The following PPARG variants were observed in gnomAD, a reference collection of about 807,000 sequenced individuals.
PPARG encodes peroxisome proliferator activated receptor gamma.
In PPARG, 17 loss-of-function variants were observed where a neutral mutation model predicts 39.2. The observed-to-expected ratio is 0.43, with a 90% confidence interval of 0.30 to 0.65. The LOEUF is 0.65. PPARG is among the 30% of genes least tolerant of loss of function. The pLI, the probability that PPARG is intolerant of heterozygous loss-of-function variation, is 0.13. For missense variants in PPARG, 406 were observed against 585.9 expected, an observed-to-expected ratio of 0.69 and a Z score of 3.17; for synonymous variants, 223 against 215.7, an observed-to-expected ratio of 1.03 and a Z score of -0.30.
At chr3:12,330,075 A>G (rs764332202) in intron 2 of PPARG, among the ~76,000 whole-genome samples, 4 of 151,952 alleles carry the variant, frequency 2.6e-5, no homozygotes, top group Non-Finnish European at 5.9e-5. Context: ...GCCTTTTGCT[A>G]TTGCAGATAA....
intron 5 of PPARG, among the ~76,000 whole-genome samples, chr3:12,403,142 A>C (rs929992710): frequency 6.6e-6 from 1 of 151,750 alleles, no homozygotes; most frequent in African/African-American, 2.4e-5. Context: ...AAAAATTAAA[A>C]ATTAGCCAGG....
intron 2 of PPARG, among the ~76,000 whole-genome samples, chr3:12,370,944 T>G (rs993590893): frequency 6.6e-6 from 1 of 152,160 alleles, no homozygotes; most frequent in Non-Finnish European, 1.5e-5. Context: ...GGACATCTGT[T>G]TTAGGCGTAG....
intron 5 of PPARG, among the ~76,000 whole-genome samples, chr3:12,393,136 G>A (rs886720674): frequency 6.7e-6 from 1 of 149,828 alleles, no homozygotes; most frequent in African/African-American, 2.5e-5. Context: ...AGAAAATCCT[G>A]AAGATGTCTG....
intron 2 of PPARG, among the ~76,000 whole-genome samples, chr3:12,350,625 A>G (rs763530522): frequency 6.6e-6 from 1 of 152,200 alleles, no homozygotes; most frequent in Non-Finnish European, 1.5e-5. Flanking sequence ...AAAAAGGGCA[A>G]AGGCCTTGAG....
intron 7 of PPARG, among the ~76,000 whole-genome samples, chr3:12,420,937 G>T (rs2051239386): frequency 6.6e-6 from 1 of 152,200 alleles, no homozygotes; most frequent in Non-Finnish European, 1.5e-5. Context: ...GCAAGAATTA[G>T]ACTAAATGAA....
chr3:12,423,184 A>C (rs2051321939), intron 7 of PPARG, among the ~76,000 whole-genome samples: 1 of 152,266 alleles, frequency 6.6e-6, no homozygotes, highest in Non-Finnish European at 1.5e-5. Context: ...CTGCTTAATC[A>C]GATACCATCT....
chr3:12,359,138 C>T (rs762278854), intron 2 of PPARG, among the ~76,000 whole-genome samples: 2 of 152,172 alleles, frequency 1.3e-5, no homozygotes, highest in Non-Finnish European at 1.5e-5. Context: ...CTAAACATCT[C>T]TCACCTTGGT....
At chr3:12,402,880 G>T (rs1271210345) in intron 5 of PPARG, among the ~76,000 whole-genome samples, 3 of 152,144 alleles carry the variant, frequency 2.0e-5, no homozygotes, top group Non-Finnish European at 4.4e-5. Flanking sequence ...ATTCCTAAAT[G>T]TGCAAGTCTC....
chr3:12,420,115 C>T (rs1575145775), intron 7 of PPARG, among the ~76,000 whole-genome samples: 1 of 152,170 alleles, frequency 6.6e-6, no homozygotes, highest in South Asian at 2.1e-4. Flanking sequence ...CATATGTGTA[C>T]GTTCATAGCA....
At chr3:12,370,303 T>C (rs2049163953) in intron 2 of PPARG, among the ~76,000 whole-genome samples, 1 of 152,110 alleles carries the variant, frequency 6.6e-6, no homozygotes, top group East Asian at 1.9e-4. Context: ...CTTTTTTTTT[T>C]TCCTGTCAGG....
intron 2 of PPARG, among the ~76,000 whole-genome samples, chr3:12,333,827 A>G (rs1157989773): frequency 6.6e-6 from 1 of 152,132 alleles, no homozygotes; most frequent in Non-Finnish European, 1.5e-5. Flanking sequence ...GAAATAACCT[A>G]GCTGCATGGT....
At chr3:12,318,211 C>T (rs2047442506) in intron 2 of PPARG, among the ~76,000 whole-genome samples, 3 of 152,140 alleles carry the variant, frequency 2.0e-5, no homozygotes, top group Admixed American at 2.0e-4. Flanking sequence ...TGGCCTCAAG[C>T]AATCCTCCTG....
At chr3:12,387,316 A>G (rs971200412) in intron 4 of PPARG, among the ~76,000 whole-genome samples, 2 of 152,204 alleles carry the variant, frequency 1.3e-5, no homozygotes, top group Non-Finnish European at 2.9e-5. Flanking sequence ...CAATGGTTGA[A>G]CTAATTTACA....
intron 1 of PPARG, among the ~76,000 whole-genome samples, chr3:12,306,323 A>C (rs1049513332): frequency 1.3e-5 from 2 of 152,150 alleles, no homozygotes; most frequent in Admixed American, 6.5e-5. Flanking sequence ...CTCGCCCACC[A>C]CTCATCTCCT....
intron 2 of PPARG, among the ~76,000 whole-genome samples, chr3:12,355,807 CAGCTATCCA>C (rs1378824692): frequency 3.9e-5 from 6 of 152,192 alleles, no homozygotes; most frequent in Non-Finnish European, 8.8e-5. Context: ...TCCCTGACAG[CAGCTATCCA>C]TTTAATCTGC....
intron 2 of PPARG, among the ~76,000 whole-genome samples, chr3:12,348,118 C>T (rs1028095611): frequency 1.3e-5 from 2 of 152,100 alleles, no homozygotes; most frequent in African/African-American, 2.4e-5. Context: ...GTGAAGTTTT[C>T]ATTAGCTTTC....
intron 2 of PPARG, among the ~76,000 whole-genome samples, chr3:12,316,501 C>T (rs2047392491): frequency 6.6e-6 from 1 of 151,942 alleles, no homozygotes; most frequent in Admixed American, 6.6e-5. Context: ...ATGAAAGCAT[C>T]CTGGAGAATG....
chr3:12,378,845 C>T (rs886704864), intron 2 of PPARG, among the ~76,000 whole-genome samples: 2 of 152,088 alleles, frequency 1.3e-5, no homozygotes, highest in Non-Finnish European at 2.9e-5. Context: ...AGTGTTCTCA[C>T]TACACATATT....
intron 7 of PPARG, among the ~76,000 whole-genome samples, chr3:12,430,117 C>T (rs555659046): frequency 3.4e-4 from 52 of 152,220 alleles, no homozygotes; most frequent in Non-Finnish European, 7.1e-4. Flanking sequence ...TCTGCCATCT[C>T]ACATTGTTCT....
Sources: allele counts gnomAD v4.1 joint callset (sites outside exome capture counted in the v4.1 genomes callset), GRCh38; gene constraint gnomAD v4.1.1; transcripts MANE v1.5; gene names NCBI Gene and HGNC (gene_info 2026-07-23, HGNC 2026-07-21).